Variants in WEE1 observed in about 807,000 individuals in gnomAD.
WEE1 encodes wee1-like protein kinase.
WEE1 carries 16 observed loss-of-function variants against 68.8 expected under a neutral mutation model. That is an observed-to-expected ratio of 0.23 (90% CI 0.16 to 0.35). The LOEUF (loss-of-function observed/expected upper bound fraction) is 0.35. Ranked by LOEUF, WEE1 falls within the 10% of genes least tolerant of loss-of-function variation. The pLI is 1.00. For synonymous variants in WEE1, 349 were observed against 318.7 expected, an observed-to-expected ratio of 1.09 and a Z score of -1.01; for missense variants, 651 against 824.1, an observed-to-expected ratio of 0.79 and a Z score of 2.57.
At chr11:9,580,791 T>C (rs1471893766) in intron 5 of WEE1, 1 of 152,246 alleles carries the variant, frequency 6.6e-6, no homozygotes, top group Non-Finnish European at 1.5e-5. Context: ...ACAATGGAAT[T>C]CTATAAAGAC....
At chr11:9,577,604 T>A (rs1013972025) in intron 5 of WEE1, 1 of 324,008 alleles carries the variant, frequency 3.1e-6, no homozygotes, top group Admixed American at 4.7e-5. Context: ...TTGAATAGAT[T>A]CTTCCTGTGT....
At position 9,576,314 on chromosome 11, in the gene WEE1, A is replaced by AT. The variant is rs1448357711; in HGVS notation, c.846+28dup. 35 of 1,525,230 alleles carry AT rather than the reference A, an allele frequency of 2.3e-5. No homozygotes were observed. Among genetic ancestry groups the AT allele is most frequent in the Admixed American group, 4.2e-5 (2 of 48,108 alleles). 94.5% of individuals were successfully genotyped at this position (1,525,230 alleles called of 1,614,324 possible). On this transcript the variant is annotated intron_variant, in intron 3 of 10. Coordinates refer to ENST00000450114, the MANE Select transcript of WEE1 (RefSeq NM_003390.4). The surrounding 1 kb of genome is among the most constrained non-coding windows in gnomAD (Gnocchi z 4.3). ...CTAAGGTAAATAGCTTTTTATTTTT[A>AT]TTTTTTTGAAATTTACTTTTCTGCC...
In WEE1 at chr11:9,576,696, C is replaced by A. The variant is rs760100965; in HGVS notation, c.1019+37C>A. The stretch of plus-strand genomic sequence containing the variant: ...ACATTTTGTCTTTTGCTCTTTTGTC[C>A]CCTATGGTGTTACTAACATTAAGGT... On this transcript the variant is annotated intron_variant, in intron 4 of 10. Transcript: ENST00000450114. The surrounding 1 kb of genome is among the most constrained non-coding windows in gnomAD (Gnocchi z 4.3). 6.0e-5 allele frequency: 95 copies of A among 1,579,286 alleles called. No homozygotes were observed. The South Asian group carries it at 1.1e-3, about 18-fold the overall frequency.
Position 9,574,969 on chromosome 11 carries a change from A to ATCGTG in WEE1, c.576+472_576+476dup, listed in dbSNP as rs888859292. On this transcript the variant is annotated intron_variant, in intron 1 of 10. Coordinates refer to ENST00000450114, the MANE Select transcript of WEE1 (RefSeq NM_003390.4). The surrounding 1 kb of genome is among the most constrained non-coding windows in gnomAD (Gnocchi z 4.9). ...AAAGAAAAATAATTGTCCCGCCCTG[A>ATCGTG]TCGTGTCGTGTCGTGTGGCGTGGAT... 11 of 985,472 alleles carry ATCGTG rather than the reference A, an allele frequency of 1.1e-5. No individual in the cohort carries two copies. The East Asian group carries it at 5.7e-4, about 51-fold the overall frequency. 61.0% of individuals were successfully genotyped at this position (985,472 alleles called of 1,614,324 possible).
chr11:9,586,987 AG>A, intron 10 of WEE1, 131 bp downstream of exon 10: 1 of 1,028,516 alleles, frequency 9.7e-7, no homozygotes, highest in Non-Finnish European at 1.4e-6. Flanking sequence ...TTTTTGAGAC[AG>A]GGTCTCACTG....
In WEE1 at chr11:9,574,732, G is replaced by A; in HGVS notation, c.576+223G>A. ...TCGTCTGGAACTTCATCTTACAAAG[G>A]GGCCGATCGGCCCGTCCGGGTGGCC... On this transcript the variant is annotated intron_variant, in intron 1 of 10. Coordinates refer to ENST00000450114, the MANE Select transcript of WEE1 (RefSeq NM_003390.4). The surrounding 1 kb of genome is among the most constrained non-coding windows in gnomAD (Gnocchi z 4.9). 1 of 1,048,298 alleles carries A rather than the reference G, an allele frequency of 9.5e-7. No individual in the cohort carries two copies. 64.9% of individuals were successfully genotyped at this position (1,048,298 alleles called of 1,614,324 possible). A position where few individuals can be genotyped will look rare whatever the true frequency, so the allele number is the denominator to read the frequency against.
At chr11:9,575,846 A>T in intron 1 of WEE1, 42 bp from the exon 2 acceptor site, 1 of 1,581,402 alleles carries the variant, frequency 6.3e-7, no homozygotes, top group Non-Finnish European at 8.7e-7. Flanking sequence ...TGACTATAGG[A>T]CTTGGATCCT....
chr11:9,576,741 A>C lies in WEE1; in HGVS notation c.1019+82A>C, dbSNP rs971602527. ...TAAGGTTTCAGCTGGTCAAACACTG[A>C]ATTCCATCTCTAACTTTTGAGAAGC... On this transcript the variant is annotated intron_variant, in intron 4 of 10. Coordinates refer to ENST00000450114, the MANE Select transcript of WEE1 (RefSeq NM_003390.4). The surrounding 1 kb of genome is among the most constrained non-coding windows in gnomAD (Gnocchi z 4.3). The C allele has an allele frequency of 2.2e-6, 3 of 1,394,602 alleles. No individual in the cohort carries two copies. Among genetic ancestry groups the C allele is most frequent in the African/African-American group, 2.9e-5 (2 of 68,960 alleles). The allele number at this position is 1,394,602 out of a possible 1,614,324, so 86.4% of individuals were successfully genotyped here.
In WEE1 at chr11:9,588,773, A is replaced by G; in HGVS notation, c.*171A>G. The G allele has an allele frequency of 7.9e-7, 1 of 1,265,602 alleles. No homozygotes were observed. The highest frequency in any genetic ancestry group is 1.0e-6 in the Non-Finnish European group (1 of 1,001,340). The allele number at this position is 1,265,602 out of a possible 1,614,324, so 78.4% of individuals were successfully genotyped here. A position where few individuals can be genotyped will look rare whatever the true frequency, so the allele number is the denominator to read the frequency against. ...GCTGTATTTTGATGATTGCTATGTCAGGCTTTCATCTAATCTTACCAGTCT... is the reference window on the plus strand; with the variant it reads ...GCTGTATTTTGATGATTGCTATGTCGGGCTTTCATCTAATCTTACCAGTCT... On this transcript the variant is annotated 3_prime_UTR_variant, in exon 11 of 11. Transcript: ENST00000450114.
intron 4 of WEE1, 36 bp from the exon 5 acceptor site, chr11:9,577,106 T>A (rs754928741): frequency 3.2e-6 from 5 of 1,579,718 alleles, no homozygotes. Context: ...TGAGTGAAAA[T>A]TATTTACCAT....
Position 9,576,703 on chromosome 11 carries a change from G to C in WEE1, c.1019+44G>C, listed in dbSNP as rs761380325. ...GTCTTTTGCTCTTTTGTCCCCTATG[G>C]TGTTACTAACATTAAGGTTTCAGCT... On this transcript the variant is annotated intron_variant, in intron 4 of 10. Transcript: ENST00000450114. This position sits in a 1 kb window ranked among gnomAD's most constrained non-coding sequence, Gnocchi z 4.3. 3 of 1,569,748 alleles carry C rather than the reference G, an allele frequency of 1.9e-6. No individual in the cohort carries two copies. The highest frequency in any genetic ancestry group is 1.7e-6 in the Non-Finnish European group (2 of 1,160,506).
intron 8 of WEE1, 38 bp from the exon 9 acceptor site, chr11:9,586,411 T>C: frequency 6.4e-7 from 1 of 1,568,254 alleles, no homozygotes; most frequent in Non-Finnish European, 8.7e-7. Context: ...ATTTTGACCA[T>C]GTTTACATTC....
chr11:9,574,395 CG>C lies in WEE1; in HGVS notation c.466del (p.Ala156ArgfsTer78). 2 of 1,211,244 alleles carry C rather than the reference CG, an allele frequency of 1.7e-6. No individual in the cohort carries two copies. Among genetic ancestry groups the C allele is most frequent in the Middle Eastern group, 3.0e-4 (1 of 3,360 alleles). 75.0% of individuals were successfully genotyped at this position (1,211,244 alleles called of 1,614,324 possible). On this transcript the variant is annotated frameshift_variant, in exon 1 of 11. Transcript: ENST00000450114. LOFTEE classifies it high-confidence loss of function. This position sits in a 1 kb window ranked among gnomAD's most constrained non-coding sequence, Gnocchi z 4.9. ...GPGDASPRGCGARRAGEGRRS... is the reference protein window; with the variant it reads ...GPGDASPRGCXARRAGEGRRS... ...CAGGAGATGCGTCGCCGCGGGGTTGCGGGGCGCGCCGGGCGGGCGAAGGCCG... is the reference window on the plus strand; with the variant it reads ...CAGGAGATGCGTCGCCGCGGGGTTGCGGGCGCGCCGGGCGGGCGAAGGCCG...
Position 9,574,738 on chromosome 11 carries a change from A to C in WEE1, c.576+229A>C. The C allele has an allele frequency of 1.9e-6, 2 of 1,033,806 alleles. No homozygotes were observed. The highest frequency in any genetic ancestry group is 2.3e-6 in the Non-Finnish European group (2 of 862,258). The allele number at this position is 1,033,806 out of a possible 1,614,324, so 64.0% of individuals were successfully genotyped here. A position where few individuals can be genotyped will look rare whatever the true frequency, so the allele number is the denominator to read the frequency against. On this transcript the variant is annotated intron_variant, in intron 1 of 10. Transcript: ENST00000450114. This position sits in a 1 kb window ranked among gnomAD's most constrained non-coding sequence, Gnocchi z 4.9. The stretch of plus-strand genomic sequence containing the variant: ...GGAACTTCATCTTACAAAGGGGCCG[A>C]TCGGCCCGTCCGGGTGGCCAAGGAT...
chr11:9,583,778 CACACACACACACACACACACACACATAT>C (rs1383348035), intron 6 of WEE1, among the ~76,000 whole-genome samples: 5 of 30,890 alleles, frequency 1.6e-4, no homozygotes, highest in African/African-American at 4.5e-4. Context: ...CACACACACA[CACACACACACACACACACACACACATAT>C]ATATATATAT....
At chr11:9,583,798 CACACATATATATATATATAT>C (rs1343476703) in intron 6 of WEE1, among the ~76,000 whole-genome samples, 672 of 21,818 alleles carry the variant, frequency 0.031, 2 homozygotes, top group Non-Finnish European at 0.049. Context: ...CACACACACA[CACACATATATATATATATAT>C]ATATATATAT....
chr11:9,575,812 C>G (rs1175355397), intron 1 of WEE1, 76 bp from the exon 2 acceptor site: 1 of 1,297,296 alleles, frequency 7.7e-7, no homozygotes, highest in Non-Finnish European at 1.1e-6. Flanking sequence ...ATGAAAGGCT[C>G]GTTGAAGGTT....
chr11:9,585,283 A>G lies in WEE1; in HGVS notation c.1314A>G (p.Ser438=). The change falls in exon 7 of 11, where the codon TCA becomes TCG. Residue 438 remains serine, a synonymous_variant. Coordinates refer to ENST00000450114, the MANE Select transcript of WEE1 (RefSeq NM_003390.4). ...KPSNIFISRT[S]IPNAASEEGD... ...GTAATATTTTCATATCTCGAACCTC[A>G]ATCCCAAATGCTGCCTCTGAAGAAG... 1.2e-6 allele frequency: 2 copies of G among 1,614,042 alleles called. No individual in the cohort carries two copies. Among genetic ancestry groups the G allele is most frequent in the Non-Finnish European group, 1.7e-6 (2 of 1,179,970 alleles).
chr11:9,581,305 G>A, intron 5 of WEE1: 4 of 450,552 alleles, frequency 8.9e-6, no homozygotes, highest in Non-Finnish European at 1.6e-5. Context: ...GATTGCTGAG[G>A]TGTATGATTG....
Sources: gnomAD v4.1 joint callset for allele counts (sites outside exome capture counted in the v4.1 genomes callset) on GRCh38, gnomAD v4.1.1 for gene constraint, Gnocchi (gnomAD v3.1) non-coding constraint, MANE v1.5 for transcripts, NCBI Gene and HGNC (gene_info 2026-07-23, HGNC 2026-07-21) for gene names.